RANBP2: variants seen among roughly 807,000 people sequenced by gnomAD.
The protein encoded by RANBP2 is E3 SUMO-protein ligase RanBP2.
RANBP2 carries 57 observed loss-of-function variants against 303.6 expected under a neutral mutation model. The observed-to-expected ratio is 0.19, with a 90% CI of 0.15 to 0.23. RANBP2 has a LOEUF of 0.23. RANBP2 is among the 10% of genes least tolerant of loss of function. RANBP2 has a pLI of 1.00. For missense variants in RANBP2, 3,138 were observed against 3,780.8 expected (o/e 0.83, Z 4.46); for synonymous variants, 1,167 against 1,301.5 (o/e 0.90, Z 2.23).
At chr2:108,748,740 C>T (rs1016721892) in intron 8 of RANBP2, among the ~76,000 whole-genome samples, 180 bp from the exon 9 acceptor site, 7 of 152,098 alleles carry the variant, frequency 4.6e-5, no homozygotes, top group African/African-American at 1.7e-4. Flanking sequence ...AATATTAAAC[C>T]TGTACTCTTC....
the RANBP2 span, chr2:109,615,356 C>G: frequency 6.2e-7 from 1 of 1,612,626 alleles, no homozygotes; most frequent in South Asian, 1.1e-5. Flanking sequence ...TGCTCACCTG[C>G]GAGCCCGGCC....
chr2:109,299,788 C>A, the RANBP2 span, among the ~76,000 whole-genome samples: 4 of 152,080 alleles, frequency 2.6e-5, no homozygotes, highest in South Asian at 8.3e-4. Flanking sequence ...GAGGATGTGG[C>A]CGTGGTGTGG....
chr2:108,839,253 T>G, the RANBP2 span: 2 of 1,613,000 alleles, frequency 1.2e-6, no homozygotes, highest in Non-Finnish European at 1.7e-6. Context: ...ACGAGCCTTT[T>G]GTAAAATTTA....
At chr2:109,417,543 C>A in the RANBP2 span, among the ~76,000 whole-genome samples, 893 of 152,228 alleles carry the variant, frequency 5.9e-3, 10 homozygotes, top group African/African-American at 0.02. Flanking sequence ...TCCACAGGAC[C>A]CTCAGCCAGG....
chr2:109,373,881 G>A, the RANBP2 span, among the ~76,000 whole-genome samples: 1 of 152,158 alleles, frequency 6.6e-6, no homozygotes, highest in Non-Finnish European at 1.5e-5. Context: ...CCCCTCCTCT[G>A]GAAGAAGCTG....
the RANBP2 span, among the ~76,000 whole-genome samples, chr2:108,821,915 C>T: frequency 3.9e-5 from 5 of 127,254 alleles, no homozygotes; most frequent in Admixed American, 3.7e-4. Context: ...GCAACAAGAG[C>T]GAAACTTTGT....
At chr2:109,032,373 T>G in the RANBP2 span, among the ~76,000 whole-genome samples, 3 of 152,234 alleles carry the variant, frequency 2.0e-5, no homozygotes, top group South Asian at 6.2e-4. Context: ...ACTTTAGAAC[T>G]CCAGGACCCA....
chr2:109,296,872 G>A, the RANBP2 span, among the ~76,000 whole-genome samples: 62 of 152,318 alleles, frequency 4.1e-4, 1 homozygote, highest in South Asian at 0.012. Flanking sequence ...CACTGCTATA[G>A]CATTGCCAGA....
the RANBP2 span, among the ~76,000 whole-genome samples, chr2:109,590,556 C>T: frequency 1.3e-5 from 2 of 152,008 alleles, no homozygotes; most frequent in East Asian, 1.9e-4. Context: ...CTCAGCCTCT[C>T]GAGCAGCTAG....
the RANBP2 span, among the ~76,000 whole-genome samples, chr2:109,277,257 C>T: frequency 6.6e-6 from 1 of 152,176 alleles, no homozygotes; most frequent in Non-Finnish European, 1.5e-5. Flanking sequence ...CTCTCCCTCA[C>T]TGTACAGGAA....
chr2:109,031,445 CCT>C, the RANBP2 span, among the ~76,000 whole-genome samples: 2,934 of 152,326 alleles, frequency 0.019, 98 homozygotes, highest in African/African-American at 0.066. Context: ...CTGGAGGCCC[CCT>C]CTTACTACTG....
At chr2:108,896,675 T>TCA in the RANBP2 span, 1 of 558,424 alleles carries the variant, frequency 1.8e-6, no homozygotes, top group African/African-American at 1.9e-5. Flanking sequence ...AGATATTTAC[T>TCA]CTGCCTGGTG....
At chr2:109,419,469 T>G in the RANBP2 span, 4 of 1,470,858 alleles carry the variant, frequency 2.7e-6, no homozygotes, top group East Asian at 2.5e-5. Context: ...TGCAGCCTCA[T>G]TTTGCTTTTC....
downstream of RANBP2, among the ~76,000 whole-genome samples, chr2:108,788,647 G>A (rs369366201): frequency 1.4e-4 from 21 of 152,140 alleles, no homozygotes; most frequent in East Asian, 1.9e-3. Context: ...GTGAACCCGG[G>A]AGACGGAGCT....
the RANBP2 span, among the ~76,000 whole-genome samples, chr2:108,850,953 A>T: frequency 6.6e-6 from 1 of 152,132 alleles, no homozygotes; most frequent in Non-Finnish European, 1.5e-5. Context: ...ATAGTGTCAG[A>T]TCCCACAAGT....
At chr2:109,716,699 A>G in the RANBP2 span, among the ~76,000 whole-genome samples, 1 of 152,222 alleles carries the variant, frequency 6.6e-6, no homozygotes, top group Non-Finnish European at 1.5e-5. Flanking sequence ...GGCACGCACC[A>G]CCATGCCTGG....
chr2:109,528,430 A>G, the RANBP2 span, among the ~76,000 whole-genome samples: 4,336 of 152,304 alleles, frequency 0.028, 215 homozygotes, highest in African/African-American at 0.098. Flanking sequence ...GTCAGAGCCC[A>G]ATCCTTCCAT....
the RANBP2 span, among the ~76,000 whole-genome samples, chr2:109,001,724 TTTTG>T: frequency 2.2e-3 from 329 of 152,186 alleles, no homozygotes; most frequent in East Asian, 0.021. Context: ...TTTTTTGTGT[TTTTG>T]TTTGTTTGTT....
chr2:109,469,210 GCGCTATCC>G, the RANBP2 span, among the ~76,000 whole-genome samples: 2 of 152,326 alleles, frequency 1.3e-5, no homozygotes, highest in East Asian at 3.9e-4. Flanking sequence ...TGTGCATTGT[GCGCTATCC>G]CAGAATATTC....
Sources: gnomAD v4.1 joint callset for allele counts (sites outside exome capture counted in the v4.1 genomes callset) on GRCh38, gnomAD v4.1.1 for gene constraint, MANE v1.5 for transcripts, NCBI Gene and HGNC (gene_info 2026-07-23, HGNC 2026-07-21) for gene names.